Variants in CERKL observed in about 807,000 individuals in gnomAD.
The protein encoded by CERKL is CERK like autophagy regulator, also known as ceramide kinase-like protein.
A neutral mutation model predicts 63.4 loss-of-function variants in CERKL; 61 were observed. That is an observed-to-expected ratio of 0.96 (90% CI 0.78 to 1.19). The LOEUF is 1.19. CERKL is among the 50% of genes most tolerant of loss of function. CERKL has a pLI of 0.00. For synonymous variants in CERKL, 250 were observed against 230.5 expected, an observed-to-expected ratio of 1.08 and a Z score of -0.77; for missense variants, 675 against 655.5, an observed-to-expected ratio of 1.03 and a Z score of -0.33.
chr2:181,571,949 G>C (rs1688920036), intron 3 of CERKL, among the ~76,000 whole-genome samples: 1 of 152,068 alleles, frequency 6.6e-6, no homozygotes, highest in East Asian at 1.9e-4. Context: ...CCATCCCACT[G>C]GATATTAATA....
chr2:181,601,085 A>C (rs1685439205), intron 2 of CERKL, among the ~76,000 whole-genome samples: 1 of 152,184 alleles, frequency 6.6e-6, no homozygotes, highest in African/African-American at 2.4e-5. Context: ...GAAACTAAAC[A>C]ACCTGCACCT....
In CERKL at chr2:181,538,249, A is replaced by C. The variant is rs371788033; in HGVS notation, c.1539-5T>G. 2.6e-6 allele frequency: 4 copies of C among 1,549,608 alleles called. No homozygotes were observed. The highest frequency in any genetic ancestry group is 3.6e-6 in the Non-Finnish European group (4 of 1,122,584). On this transcript the variant is annotated splice_region_variant and splice_polypyrimidine_tract_variant and intron_variant, in intron 12 of 12. Transcript: ENST00000410087. ...CTGATAAGTCTTGGATGCAATCTGT[A>C]AAGAAAATACATTATTTCATCAACT...
At chr2:181,650,573 A>G (rs2105543439) in intron 1 of CERKL, among the ~76,000 whole-genome samples, 1 of 152,286 alleles carries the variant, frequency 6.6e-6, no homozygotes, top group East Asian at 1.9e-4. Context: ...AGCCTGACCA[A>G]CATGGAGAAA....
chr2:181,596,955 CT>C (rs1000474115), intron 2 of CERKL, among the ~76,000 whole-genome samples: 1 of 152,064 alleles, frequency 6.6e-6, no homozygotes, highest in African/African-American at 2.4e-5. Flanking sequence ...AAATGCTATC[CT>C]TTTTTAATAG....
chr2:181,647,930 G>T (rs1255509716), intron 1 of CERKL, among the ~76,000 whole-genome samples: 3 of 152,032 alleles, frequency 2.0e-5, no homozygotes, highest in Admixed American at 6.6e-5. Context: ...GAAGAATGCA[G>T]TGAATAAAAG....
At position 181,544,709 on chromosome 2, in the gene CERKL, T is replaced by G; in HGVS notation, c.1356A>C (p.Val452=). 6.3e-7 allele frequency: 1 copy of G among 1,595,108 alleles called. No individual in the cohort carries two copies. Among genetic ancestry groups the G allele is most frequent in the Non-Finnish European group, 8.6e-7 (1 of 1,165,158 alleles). Residue 452 remains valine, a synonymous_variant, in exon 11 of 13, where the codon GTA becomes GTC. Coordinates refer to ENST00000410087, the MANE Select transcript of CERKL (RefSeq NM_201548.5). The part of the protein sequence containing the change: ...FIKHLKRYAS[V]KNQFNFPFVE... ...AAAGAATTTACTATACCTGATTTTTTACACTGGCATATCTTTTCAGGTGTT... is the reference window on the plus strand; with the variant it reads ...AAAGAATTTACTATACCTGATTTTTGACACTGGCATATCTTTTCAGGTGTT...
In CERKL at chr2:181,537,757, T is replaced by C. The variant is rs1299285203; in HGVS notation, c.*427A>G. 4.5e-6 allele frequency: 2 copies of C among 447,262 alleles called. No individual in the cohort carries two copies. Among genetic ancestry groups the C allele is most frequent in the Admixed American group, 4.8e-5 (2 of 41,344 alleles). The allele number at this position is 447,262 out of a possible 1,614,324, so 27.7% of individuals were successfully genotyped here. ...CACATTGTAAAAAAAAGAATTTGAA[T>C]TGATATCTAAAAACAGAATTTGAAT... is the stretch of plus-strand genomic sequence containing the variant. On this transcript the variant is annotated 3_prime_UTR_variant, in exon 13 of 13. Transcript: ENST00000410087.
chr2:181,616,558 A>G (rs1459584568), intron 1 of CERKL, among the ~76,000 whole-genome samples: 1 of 152,170 alleles, frequency 6.6e-6, no homozygotes, highest in Non-Finnish European at 1.5e-5. Flanking sequence ...AAAAATGCTA[A>G]TCTTTAATAC....
rs563766957 is a variant in CERKL at position 181,600,844 on chromosome 2, CTT to C, written c.481+2991_481+2992del. Among the ~76,000 whole-genome samples the C allele has an allele frequency of 1.3e-3, 195 of 152,336 alleles. 1 individual carries two copies. The highest frequency in any genetic ancestry group is 4.4e-3 in the African/African-American group (184 of 41,576). On this transcript the variant is annotated intron_variant, in intron 2 of 12. Coordinates refer to ENST00000410087, the MANE Select transcript of CERKL (RefSeq NM_201548.5). ...GTATACACTGGACTTAAATCAGACT[CTT>C]GACCAAATGGACCTGACAGACATCT... is the stretch of plus-strand genomic sequence containing the variant.
chr2:181,621,292 T>C (rs1686437795), intron 1 of CERKL, among the ~76,000 whole-genome samples: 1 of 152,314 alleles, frequency 6.6e-6, no homozygotes, highest in Admixed American at 6.5e-5. Context: ...ATTGTAAGTC[T>C]TAATAAAAAC....
intron 5 of CERKL, among the ~76,000 whole-genome samples, chr2:181,555,443 G>A (rs751085655): frequency 7.2e-5 from 11 of 151,930 alleles, no homozygotes; most frequent in Admixed American, 3.3e-4. Context: ...ACCATTTTAG[G>A]TTTTCCTATA....
intron 11 of CERKL, among the ~76,000 whole-genome samples, chr2:181,542,848 T>C (rs1372766075): frequency 6.6e-6 from 1 of 152,210 alleles, no homozygotes; most frequent in African/African-American, 2.4e-5. Context: ...TATGTCTGTC[T>C]TTATGTGTAA....
intron 1 of CERKL, among the ~76,000 whole-genome samples, chr2:181,645,346 A>T (rs887128982): frequency 1.3e-5 from 2 of 152,222 alleles, no homozygotes; most frequent in Non-Finnish European, 2.9e-5. Context: ...CATTCAATAA[A>T]TATTATCTAT....
intron 1 of CERKL, among the ~76,000 whole-genome samples, chr2:181,630,899 T>G (rs1300438049): frequency 6.6e-6 from 1 of 152,238 alleles, no homozygotes; most frequent in Non-Finnish European, 1.5e-5. Context: ...GCAGAGAAAC[T>G]GATTGTATCT....
At chr2:181,605,357 G>A (rs368946615) in intron 1 of CERKL, among the ~76,000 whole-genome samples, 3 of 152,338 alleles carry the variant, frequency 2.0e-5, no homozygotes, top group African/African-American at 7.2e-5. Context: ...GTCCCCTTGA[G>A]ACTTTAGCTG....
At chr2:181,582,395 TCAGCATATTTAATGTACTA>T (rs1456979098) in intron 2 of CERKL, among the ~76,000 whole-genome samples, 1 of 152,082 alleles carries the variant, frequency 6.6e-6, no homozygotes, top group African/African-American at 2.4e-5. Flanking sequence ...TTGTAGGCCA[TCAGCATATTTAATGTACTA>T]CAGTCATATC....
chr2:181,646,771 C>T (rs753961574), intron 1 of CERKL, among the ~76,000 whole-genome samples: 3 of 152,124 alleles, frequency 2.0e-5, no homozygotes, highest in Non-Finnish European at 4.4e-5. Flanking sequence ...CTGAAAATTT[C>T]CACTTCATTG....
chr2:181,629,991 C>A (rs1686883418), intron 1 of CERKL, among the ~76,000 whole-genome samples: 1 of 149,662 alleles, frequency 6.7e-6, no homozygotes, highest in African/African-American at 2.4e-5. Flanking sequence ...CAAGAAGCCT[C>A]ACCTCACTAT....
chr2:181,562,610 C>A (rs1042390310), intron 4 of CERKL, among the ~76,000 whole-genome samples: 1 of 152,116 alleles, frequency 6.6e-6, no homozygotes, highest in Admixed American at 6.6e-5. Flanking sequence ...AGTAACTAAT[C>A]CTTTGCATGT....
Sources: allele counts gnomAD v4.1 joint callset (sites outside exome capture counted in the v4.1 genomes callset), GRCh38; gene constraint gnomAD v4.1.1; transcripts MANE v1.5; gene names NCBI Gene and HGNC (gene_info 2026-07-23, HGNC 2026-07-21).